RIPOR3: variants seen among roughly 807,000 people sequenced by gnomAD.
The protein encoded by RIPOR3 is RIPOR family member 3, also known as family with sequence similarity 65 member C.
RIPOR3 carries 95 observed loss-of-function variants against 114.3 expected under a neutral mutation model. The observed-to-expected ratio is 0.83, with a 90% CI of 0.70 to 0.99. RIPOR3 has a LOEUF of 0.99. Ranked by LOEUF, RIPOR3 falls within the 50% of genes least tolerant of loss-of-function variation. RIPOR3 has a pLI of 0.00. For synonymous variants in RIPOR3, 575 were observed against 543.8 expected (o/e 1.06, Z -0.80); for missense variants, 1,252 against 1,266.9 (o/e 0.99, Z 0.18).
At chr20:50,644,542 G>A (rs2085323613) in intron 1 of RIPOR3, among the ~76,000 whole-genome samples, 1 of 151,656 alleles carries the variant, frequency 6.6e-6, no homozygotes, top group African/African-American at 2.4e-5. Context: ...GGAGTGCAGT[G>A]GTGCAATCTT....
rs1446302176 is a variant in RIPOR3, at chr20:50,666,409, G to C, written c.3+24717C>G. On this transcript the variant is annotated intron_variant, in intron 1 of 21. Transcript: ENST00000327979. ...CCAGCTAAATTTTGTATTTTTAGTA[G>C]AGATGGGGTTTCGCCTGTTGCTCAG... is the stretch of plus-strand genomic sequence containing the variant. 6.0e-5 allele frequency among the ~76,000 whole-genome samples: 9 copies of C among 150,810 alleles called. No individual in the cohort carries two copies. The East Asian group carries it at 9.8e-4, about 16-fold the overall frequency.
At chr20:50,649,683 G>A (rs904044159) in intron 1 of RIPOR3, among the ~76,000 whole-genome samples, 2 of 152,082 alleles carry the variant, frequency 1.3e-5, no homozygotes, top group African/African-American at 4.8e-5. Context: ...TTAATGAGGT[G>A]AGGTTCGCTC....
chr20:50,641,532 G>A (rs1471635110), intron 1 of RIPOR3, among the ~76,000 whole-genome samples: 1 of 152,210 alleles, frequency 6.6e-6, no homozygotes, highest in African/African-American at 2.4e-5. Flanking sequence ...ACAGGTGTGA[G>A]CCCCACACCT....
At position 50,597,532 on chromosome 20, in the gene RIPOR3, G is replaced by T. The variant is rs779614363; in HGVS notation, c.1790+48C>A. On this transcript the variant is annotated intron_variant, in intron 14 of 21. Transcript: ENST00000327979. ...AGGAAACGTGGAGCTCGGGTCACCC[G>T]GTGGGAGTGGTGGCCACTGGGTCAC... 1.9e-6 allele frequency: 3 copies of T among 1,568,638 alleles called. No homozygotes were observed. In the Admixed American group the frequency reaches 5.6e-5, roughly 29 times the overall value.
intron 2 of RIPOR3, among the ~76,000 whole-genome samples, chr20:50,621,441 GCACATGCA>G (rs60133759): frequency 0.019 from 2,882 of 152,280 alleles, 27 homozygotes; most frequent in Non-Finnish European, 0.025. Context: ...ACACACATTT[GCACATGCA>G]CACATGCACA....
intron 1 of RIPOR3, among the ~76,000 whole-genome samples, chr20:50,638,173 G>A (rs2085056689): frequency 6.6e-6 from 1 of 152,214 alleles, no homozygotes; most frequent in Non-Finnish European, 1.5e-5. Flanking sequence ...CACCCAAGGT[G>A]TCTCTGCAGA....
chr20:50,680,132 T>C (rs2086812046), intron 1 of RIPOR3, among the ~76,000 whole-genome samples: 1 of 152,144 alleles, frequency 6.6e-6, no homozygotes, highest in African/African-American at 2.4e-5. Flanking sequence ...ACCCCCACCC[T>C]CCGCTGGCCT....
chr20:50,685,610 G>A (rs937236053), intron 1 of RIPOR3, among the ~76,000 whole-genome samples: 9 of 145,594 alleles, frequency 6.2e-5, no homozygotes, highest in African/African-American at 2.3e-4. Context: ...GATCACCTGA[G>A]GTCAGGAGTT....
At position 50,691,056 on chromosome 20, in the gene RIPOR3, C is replaced by A. The variant is rs1013711842; in HGVS notation, c.3+70G>T. ...GAACGGCTGCCTCCTCCTGTCACCC[C>A]CAGCTCCAGAAGTCTGTCCACACAA... On this transcript the variant is annotated intron_variant, in intron 1 of 21. Transcript: ENST00000327979. 4 of 1,289,228 alleles carry A rather than the reference C, an allele frequency of 3.1e-6. No individual in the cohort carries two copies. The South Asian group carries it at 3.7e-5, about 12-fold the overall frequency. The allele number at this position is 1,289,228 out of a possible 1,614,324, so 79.9% of individuals were successfully genotyped here.
At chr20:50,664,116 G>A (rs1361467074) in intron 1 of RIPOR3, among the ~76,000 whole-genome samples, 1 of 151,964 alleles carries the variant, frequency 6.6e-6, no homozygotes, top group Non-Finnish European at 1.5e-5. Context: ...TAGTAGAGAC[G>A]GGGTTTCACC....
intron 19 of RIPOR3, among the ~76,000 whole-genome samples, chr20:50,591,825 A>C (rs1171420397): frequency 6.6e-6 from 1 of 152,252 alleles, no homozygotes; most frequent in Non-Finnish European, 1.5e-5. Context: ...GGCTGGGCGC[A>C]GTGGCTCACG....
At chr20:50,632,314 C>A (rs888395570) in intron 1 of RIPOR3, among the ~76,000 whole-genome samples, 1 of 152,166 alleles carries the variant, frequency 6.6e-6, no homozygotes, top group Admixed American at 6.5e-5. Context: ...TCAGAAAGAA[C>A]CTCCCACGGA....
In RIPOR3 at chr20:50,602,180, G is replaced by A. The variant is rs141361182; in HGVS notation, c.1551C>T (p.Leu517=). The A allele has an allele frequency of 9.8e-4, 1,588 of 1,613,184 alleles. 13 individuals are homozygous for A. The African/African-American group carries it at 0.019, about 19-fold the overall frequency. ...CCAGGACCTCCTGCAGAGGCCCCTC[G>A]AGGGCCACGCCAGGCCCGTCCTCTC... is the stretch of plus-strand genomic sequence containing the variant. The part of the protein sequence containing the change: ...GDREDGPGVA[L]EGPLQEVLEL... The change falls in exon 13 of 22, where the codon CTC becomes CTT. Residue 517 remains leucine (L), a synonymous_variant. Transcript: ENST00000327979. This position sits in a 1 kb window ranked among gnomAD's most constrained non-coding sequence, Gnocchi z 4.3.
Position 50,587,828 on chromosome 20 carries a change from G to A in RIPOR3, c.2726C>T (p.Ala909Val), listed in dbSNP as rs1299496379. The change falls in exon 21 of 22, where the codon GCA becomes GTA. Residue 909 changes from alanine to valine, a missense_variant. Ala to Val is a moderately conservative substitution (Grantham distance 64). Coordinates refer to ENST00000327979, the MANE Select transcript of RIPOR3 (RefSeq NM_001290268.2). ...CQSDLEAVRA[A>V]ARETTLSFGE... is the part of the protein sequence containing the mutation. ...GAACGACAGTGTGGTTTCCCGGGCT[G>A]CCGCCCGCACGGCCTCCAGGTCAGA... 4 of 1,614,186 alleles carry A rather than the reference G, an allele frequency of 2.5e-6. No individual in the cohort carries two copies. The highest frequency in any genetic ancestry group is 3.4e-6 in the Non-Finnish European group (4 of 1,180,038).
At chr20:50,611,240 A>G in intron 4 of RIPOR3, 36 bp from the exon 5 acceptor site, 1 of 1,613,940 alleles carries the variant, frequency 6.2e-7, no homozygotes, top group Non-Finnish European at 8.5e-7. Context: ...AGAAGCTGTC[A>G]GAGTCCCACA....
At chr20:50,643,791 C>T (rs1201338559) in intron 1 of RIPOR3, among the ~76,000 whole-genome samples, 1 of 150,902 alleles carries the variant, frequency 6.6e-6, no homozygotes, top group Non-Finnish European at 1.5e-5. Flanking sequence ...CTGCAAGCTC[C>T]GCCTCCCGGG....
chr20:50,623,283 A>G (rs1466025436), intron 2 of RIPOR3, among the ~76,000 whole-genome samples: 1 of 151,848 alleles, frequency 6.6e-6, no homozygotes, highest in Admixed American at 6.6e-5. Flanking sequence ...AAAAAAAGAA[A>G]AAAAAGAAAA....
chr20:50,657,189 C>A (rs1336686659), intron 1 of RIPOR3, among the ~76,000 whole-genome samples: 1 of 152,184 alleles, frequency 6.6e-6, no homozygotes, highest in Non-Finnish European at 1.5e-5. Flanking sequence ...GAGTTCAAGA[C>A]CAGCCTTGGC....
chr20:50,594,037 G>A (rs561396678), intron 17 of RIPOR3, among the ~76,000 whole-genome samples: 359 of 152,110 alleles, frequency 2.4e-3, no homozygotes, highest in Admixed American at 4.9e-3. Context: ...TTGGGAGGCC[G>A]AGGCGGGCGA....
Sources: allele counts gnomAD v4.1 joint callset (sites outside exome capture counted in the v4.1 genomes callset), GRCh38; gene constraint gnomAD v4.1.1; non-coding constraint Gnocchi (gnomAD v3.1); transcripts MANE v1.5; gene names NCBI Gene and HGNC (gene_info 2026-07-23, HGNC 2026-07-21).